The following PDE4A variants were observed in gnomAD, a reference collection of about 807,000 sequenced individuals.
The protein encoded by PDE4A is 3',5'-cyclic-AMP phosphodiesterase 4A.
Under a neutral mutation model 73.9 loss-of-function variants are expected in PDE4A, and 21 were observed. The observed-to-expected ratio is 0.28, with a 90% CI of 0.20 to 0.41. The LOEUF (loss-of-function observed/expected upper bound fraction) is 0.41, where lower values mean the gene tolerates loss of function less well. PDE4A is among the 10% of genes least tolerant of loss of function. The probability of loss-of-function intolerance (pLI) is 1.00; values close to 1 mark genes in which losing one functional copy is unlikely to be tolerated. For missense variants in PDE4A, 958 were observed against 1,211.4 expected, an observed-to-expected ratio of 0.79 and a Z score of 3.10; for synonymous variants, 463 against 505.4, an observed-to-expected ratio of 0.92 and a Z score of 1.13.
At chr19:10,417,949 G>C (rs947094998), upstream of PDE4A, 4 of 1,426,804 alleles carry the variant, frequency 2.8e-6, no homozygotes, top group Non-Finnish European at 3.8e-6. Context: ...AGCCCTTCCC[G>C]ATCTCCATGC....
intron 1 of PDE4A, chr19:10,428,759 C>G (rs925386960): frequency 1.0e-6 from 1 of 985,076 alleles, no homozygotes; most frequent in African/African-American, 1.7e-5. Context: ...CACGCAAGCC[C>G]AGGCTTCCTC....
chr19:10,426,701 T>C (rs1264266717), intron 1 of PDE4A, among the ~76,000 whole-genome samples: 1 of 151,808 alleles, frequency 6.6e-6, no homozygotes, highest in Non-Finnish European at 1.5e-5. Context: ...GGCAAAACCC[T>C]GTCTCTACTA....
intron 13 of PDE4A, among the ~76,000 whole-genome samples, chr19:10,462,447 C>G (rs1456838664): frequency 2.0e-5 from 3 of 151,512 alleles, no homozygotes; most frequent in Non-Finnish European, 4.4e-5. Flanking sequence ...AGGCGTGAGC[C>G]ACCGCGCTCA....
At chr19:10,427,068 G>A (rs1443972773) in intron 1 of PDE4A, among the ~76,000 whole-genome samples, 1 of 151,892 alleles carries the variant, frequency 6.6e-6, no homozygotes, top group African/African-American at 2.4e-5. Flanking sequence ...TTGGGAGGCC[G>A]AGGCAGGTGG....
chr19:10,450,592 T>G lies in PDE4A; in HGVS notation c.621-11T>G. 2 of 1,599,294 alleles carry G rather than the reference T, an allele frequency of 1.3e-6. No individual in the cohort carries two copies. Among genetic ancestry groups the G allele is most frequent in the Non-Finnish European group, 1.7e-6 (2 of 1,174,524 alleles). ...GGCTGACATTGCAGCCCCATTTTTTTTTTTCTGCAGGCGGTCCCCGCTGGG... is the reference window on the plus strand; with the variant it reads ...GGCTGACATTGCAGCCCCATTTTTTGTTTTCTGCAGGCGGTCCCCGCTGGG... On this transcript the variant is annotated splice_polypyrimidine_tract_variant and intron_variant, in intron 4 of 14. Transcript: ENST00000380702.
At chr19:10,428,989 C>A (rs2042752653) in intron 1 of PDE4A, 1 of 571,536 alleles carries the variant, frequency 1.7e-6, no homozygotes. Context: ...CCTGTAATCC[C>A]AGCTACTTGG....
chr19:10,460,404 C>T (rs923544055), intron 10 of PDE4A, among the ~76,000 whole-genome samples: 2 of 151,622 alleles, frequency 1.3e-5, no homozygotes, highest in Non-Finnish European at 2.9e-5. Context: ...GAGGCTGAGG[C>T]AGGAGAATCG....
At chr19:10,429,993 G>A (rs1211927979) in intron 1 of PDE4A, among the ~76,000 whole-genome samples, 1 of 152,016 alleles carries the variant, frequency 6.6e-6, no homozygotes, top group African/African-American at 2.4e-5. Flanking sequence ...CTAGGATTTG[G>A]TGGGAACCTA....
chr19:10,422,239 G>A (rs1162489489), intron 1 of PDE4A, among the ~76,000 whole-genome samples: 1 of 152,152 alleles, frequency 6.6e-6, no homozygotes, highest in Non-Finnish European at 1.5e-5. Flanking sequence ...TACACTTGGG[G>A]AACAATGTGA....
chr19:10,453,148 G>A lies in PDE4A; in HGVS notation c.784-1681G>A, dbSNP rs1379553308. ...GCTGGGCCGGCCCAGGCCCCTCCGC[G>A]GCTCCCCCTTCCACTACCCACCTGC... On this transcript the variant is annotated intron_variant, in intron 6 of 14. Coordinates refer to ENST00000380702, the MANE Select transcript of PDE4A (RefSeq NM_001111307.2). This position sits in a 1 kb window ranked among gnomAD's most constrained non-coding sequence, Gnocchi z 4.6. The A allele has an allele frequency of 4.9e-6, 7 of 1,429,692 alleles. No individual in the cohort carries two copies. Among genetic ancestry groups the A allele is most frequent in the African/African-American group, 2.9e-5 (2 of 68,610 alleles). 88.6% of individuals were successfully genotyped at this position (1,429,692 alleles called of 1,614,324 possible).
intron 1 of PDE4A, among the ~76,000 whole-genome samples, chr19:10,441,684 A>ATTTTTTTTT (rs1308151510): frequency 1.1e-5 from 1 of 92,724 alleles, no homozygotes; most frequent in Non-Finnish European, 2.1e-5. Context: ...ATTTTGAGTT[A>ATTTTTTTTT]TTTTTTTTTT....
Position 10,420,851 on chromosome 19 carries a change from C to T in PDE4A, c.87C>T (p.Pro29=), listed in dbSNP as rs772168262. The change falls in exon 1 of 15, where the codon CCC becomes CCT. Residue 29 remains proline, a synonymous_variant. Transcript: ENST00000380702. The surrounding 1 kb of genome is among the most constrained non-coding windows in gnomAD (Gnocchi z 6.0). ...AGGGCCAGGCCACCCTGAAGCCTCC[C>T]CCGCAGCACCTGTGGCGGCAGCCTC... The part of the protein sequence containing the change: ...PREGQATLKP[P]PQHLWRQPRT... 18 of 1,590,174 alleles carry T rather than the reference C, an allele frequency of 1.1e-5. No individual in the cohort carries two copies. The highest frequency in any genetic ancestry group is 1.0e-4 in the South Asian group (9 of 89,512).
At chr19:10,416,813 G>A (rs567728543), upstream of PDE4A, 1 of 1,521,030 alleles carries the variant, frequency 6.6e-7, no homozygotes, top group East Asian at 2.5e-5. Context: ...TGGCGGGGGC[G>A]GGTTCTAGGC....
At chr19:10,435,281 A>G (rs1402011852) in intron 1 of PDE4A, among the ~76,000 whole-genome samples, 5 of 152,066 alleles carry the variant, frequency 3.3e-5, no homozygotes, top group Non-Finnish European at 5.9e-5. Context: ...CTGAGGCCAG[A>G]TGCAGTGGTC....
intron 6 of PDE4A, 67 bp from the exon 7 acceptor site, chr19:10,454,762 G>A (rs2043145822): frequency 1.2e-6 from 2 of 1,606,884 alleles, no homozygotes; most frequent in Non-Finnish European, 8.5e-7. Flanking sequence ...TTCTTGGGAA[G>A]GACTGACACC....
chr19:10,466,733 A>G (rs2043379725), intron 14 of PDE4A, 154 bp from the exon 15 acceptor site: 1 of 686,552 alleles, frequency 1.5e-6, no homozygotes, highest in African/African-American at 1.9e-5. Context: ...ACCTCAAATG[A>G]TCCGACTGCC....
intron 6 of PDE4A, chr19:10,454,600 G>A (rs934180945): frequency 1.8e-5 from 4 of 218,706 alleles, no homozygotes; most frequent in African/African-American, 9.4e-5. Flanking sequence ...TCCTCAGGCA[G>A]GGAGGGTTAT....
chr19:10,433,714 C>G (rs867493378), intron 1 of PDE4A, among the ~76,000 whole-genome samples: 8 of 152,258 alleles, frequency 5.3e-5, no homozygotes, highest in African/African-American at 1.7e-4. Flanking sequence ...TCACCTGGCA[C>G]TACGCGCCTG....
chr19:10,432,378 C>T, intron 1 of PDE4A: 1 of 1,327,106 alleles, frequency 7.5e-7, no homozygotes, highest in South Asian at 2.2e-5. Context: ...CAGCAGCGCG[C>T]GCCACACCGC....
Sources: allele counts gnomAD v4.1 joint callset (sites outside exome capture counted in the v4.1 genomes callset), GRCh38; gene constraint gnomAD v4.1.1; non-coding constraint Gnocchi (gnomAD v3.1); transcripts MANE v1.5; gene names NCBI Gene and HGNC (gene_info 2026-07-23, HGNC 2026-07-21).